Variants in IL22RA2 observed in about 807,000 individuals in gnomAD.
IL22RA2 encodes interleukin-22 receptor subunit alpha-2.
A neutral mutation model predicts 30.7 loss-of-function variants in IL22RA2; 39 were observed. The observed-to-expected ratio is 1.27, with a 90% CI of 0.98 to 1.66. The LOEUF is 1.66. Among genes scored for constraint, IL22RA2 ranks in the 40% most tolerant of loss-of-function variants. IL22RA2 has a pLI of 0.00. For synonymous variants in IL22RA2, 103 were observed against 105.0 expected (o/e 0.98, Z 0.11); for missense variants, 315 against 312.7 (o/e 1.01, Z -0.05).
chr6:137,170,351 T>C (rs1031854178), intron 1 of IL22RA2, among the ~76,000 whole-genome samples: 3 of 152,170 alleles, frequency 2.0e-5, no homozygotes, highest in Non-Finnish European at 2.9e-5. Flanking sequence ...ACCCCTGCCT[T>C]ACATTCACGT....
intron 2 of IL22RA2, 126 bp downstream of exon 2, chr6:137,161,563 A>G (rs1334363158): frequency 1.4e-6 from 1 of 730,442 alleles, no homozygotes; most frequent in Non-Finnish European, 2.4e-6. Flanking sequence ...TGCTCTGATC[A>G]TTTAGTGACA....
chr6:137,166,656 G>A (rs1371414650), intron 1 of IL22RA2, among the ~76,000 whole-genome samples: 1 of 152,234 alleles, frequency 6.6e-6, no homozygotes, highest in Non-Finnish European at 1.5e-5. Flanking sequence ...GTTTGAGCAG[G>A]AAAGTGGAAG....
rs117908168 is a variant in IL22RA2, at chr6:137,151,347, T to C, written c.473-3456A>G. The stretch of plus-strand genomic sequence containing the variant: ...TTTCAACAAATGGTGCTGGGACAGC[T>C]GGATAGTCATATGTCAAAGAATAAT... On this transcript the variant is annotated intron_variant, in intron 5 of 6. Coordinates refer to ENST00000296980, the MANE Select transcript of IL22RA2 (RefSeq NM_052962.3). Among the ~76,000 whole-genome samples the C allele has an allele frequency of 1.3e-3, 191 of 152,358 alleles. 2 individuals are homozygous for C. The East Asian group carries it at 0.034, about 27-fold the overall frequency.
chr6:137,158,560 A>G, intron 2 of IL22RA2, 78 bp from the exon 3 acceptor site: 1 of 1,444,256 alleles, frequency 6.9e-7, no homozygotes, highest in South Asian at 1.2e-5. Context: ...TCAGTGGAAT[A>G]CCTGCATCAG....
At chr6:137,159,497 A>G (rs777690465) in intron 2 of IL22RA2, among the ~76,000 whole-genome samples, 59 of 151,822 alleles carry the variant, frequency 3.9e-4, no homozygotes, top group Non-Finnish European at 5.4e-4. Flanking sequence ...ATTTTTTTGT[A>G]TTTTTAGTAG....
chr6:137,146,871 C>T (rs886805172), intron 6 of IL22RA2, among the ~76,000 whole-genome samples: 4 of 151,968 alleles, frequency 2.6e-5, no homozygotes, highest in Non-Finnish European at 4.4e-5. Context: ...TGGCATGCAC[C>T]TGTAGTCCCA....
chr6:137,158,729 C>T (rs1778460554), intron 2 of IL22RA2, among the ~76,000 whole-genome samples: 1 of 152,098 alleles, frequency 6.6e-6, no homozygotes, highest in African/African-American at 2.4e-5. Context: ...ACCCTATTTC[C>T]CAGGCTGTGG....
At chr6:137,172,942 T>C (rs1485011401) in intron 1 of IL22RA2, among the ~76,000 whole-genome samples, 1 of 152,216 alleles carries the variant, frequency 6.6e-6, no homozygotes, top group Non-Finnish European at 1.5e-5. Context: ...TGCTTCAAAA[T>C]AATACAAAGG....
At chr6:137,153,942 A>G (rs1778345080) in intron 5 of IL22RA2, among the ~76,000 whole-genome samples, 1 of 152,200 alleles carries the variant, frequency 6.6e-6, no homozygotes, top group Non-Finnish European at 1.5e-5. Context: ...CAGCTTCATG[A>G]CTAGTTGACT....
chr6:137,157,887 G>A (rs1003688352), intron 3 of IL22RA2, among the ~76,000 whole-genome samples: 3 of 152,106 alleles, frequency 2.0e-5, no homozygotes, highest in Non-Finnish European at 4.4e-5. Flanking sequence ...TTTTTGAAAG[G>A]AATTTTCTAA....
intron 1 of IL22RA2, among the ~76,000 whole-genome samples, chr6:137,166,575 A>G (rs191994300): frequency 1.3e-5 from 2 of 152,068 alleles, no homozygotes; most frequent in Admixed American, 6.6e-5. Context: ...GGAAGAGGAA[A>G]CCCTTACCAT....
chr6:137,161,846 G>T lies in IL22RA2; in HGVS notation c.-65-32C>A, dbSNP rs138108803. ...AATCCACAAACAGACAATCACTCCC[G>T]GGTTTAAGGCAGATGGTTCCTTGAA... On this transcript the variant is annotated intron_variant, in intron 1 of 6. Coordinates refer to ENST00000296980, the MANE Select transcript of IL22RA2 (RefSeq NM_052962.3). 2.4e-3 allele frequency: 2,059 copies of T among 857,250 alleles called. 6 individuals carry two copies. Among genetic ancestry groups the T allele is most frequent in the Non-Finnish European group, 3.1e-3 (1,645 of 523,106 alleles). The allele number at this position is 857,250 out of a possible 1,614,324, so 53.1% of individuals were successfully genotyped here. A position where few individuals can be genotyped will look rare whatever the true frequency, so the allele number is the denominator to read the frequency against.
chr6:137,163,287 A>G (rs998706735), intron 1 of IL22RA2, among the ~76,000 whole-genome samples: 24 of 152,338 alleles, frequency 1.6e-4, no homozygotes, highest in African/African-American at 5.8e-4. Flanking sequence ...CTTTCTGGAC[A>G]TATGTGCTAC....
intron 3 of IL22RA2, 56 bp from the exon 4 acceptor site, chr6:137,156,910 A>G: frequency 6.3e-7 from 1 of 1,577,122 alleles, no homozygotes; most frequent in Non-Finnish European, 8.7e-7. Flanking sequence ...CTCAAGGGGC[A>G]TCCTGGCTTT....
In IL22RA2 at chr6:137,155,096, T is replaced by G. The variant is rs34992349; in HGVS notation, c.317A>C (p.Asn106Thr). Residue 106 changes from asparagine (N) to threonine (T), a missense_variant, in exon 5 of 7, where the codon AAT becomes ACT. By Grantham distance (65) the Asn-to-Thr change is moderately conservative. Transcript: ENST00000296980. ...TTGAGTACCCCAACAGTCTTCTTTATTTTTCCATTGTCTCTGTCCATATCT... is the reference window on the plus strand; with the variant it reads ...TTGAGTACCCCAACAGTCTTCTTTAGTTTTCCATTGTCTCTGTCCATATCT... ...LAKYGQRQWK[N>T]KEDCWGTQEL... is the part of the protein sequence containing the mutation. The G allele has an allele frequency of 2.2e-4, 358 of 1,594,478 alleles. 1 individual carries two copies. Among genetic ancestry groups the G allele is most frequent in the Admixed American group, 7.0e-5 (4 of 56,898 alleles).
chr6:137,168,585 C>G (rs928648682), intron 1 of IL22RA2, among the ~76,000 whole-genome samples: 2 of 152,214 alleles, frequency 1.3e-5, no homozygotes, highest in East Asian at 3.9e-4. Flanking sequence ...AAAAGAGTGC[C>G]CTGATTGTGA....
At chr6:137,166,439 G>A (rs1455883376) in intron 1 of IL22RA2, among the ~76,000 whole-genome samples, 1 of 152,144 alleles carries the variant, frequency 6.6e-6, no homozygotes, top group Non-Finnish European at 1.5e-5. Context: ...AAGCTGTATG[G>A]GCTCCAAAAG....
chr6:137,147,935 T>C, intron 5 of IL22RA2, 44 bp from the exon 6 acceptor site: 1 of 1,517,824 alleles, frequency 6.6e-7, no homozygotes, highest in Non-Finnish European at 9.1e-7. Flanking sequence ...CAAAGGAATG[T>C]ATTATATACA....
At chr6:137,154,429 A>G (rs1210018175) in intron 5 of IL22RA2, among the ~76,000 whole-genome samples, 1 of 152,220 alleles carries the variant, frequency 6.6e-6, no homozygotes, top group Non-Finnish European at 1.5e-5. Context: ...AGCCTGGCCA[A>G]TATGATGAAA....
Sources: allele counts gnomAD v4.1 joint callset (sites outside exome capture counted in the v4.1 genomes callset), GRCh38; gene constraint gnomAD v4.1.1; transcripts MANE v1.5; gene names NCBI Gene and HGNC (gene_info 2026-07-23, HGNC 2026-07-21).